SAFB2: variants seen among roughly 807,000 people sequenced by gnomAD.
SAFB2 encodes the protein scaffold attachment factor B2.
Under a neutral mutation model 100.6 loss-of-function variants are expected in SAFB2, and 32 were observed. That is an observed-to-expected ratio of 0.32 (90% CI 0.24 to 0.43). SAFB2 has a LOEUF of 0.43. Ranked by LOEUF, SAFB2 falls within the 20% of genes least tolerant of loss-of-function variation. The probability of loss-of-function intolerance (pLI) is 1.00; values close to 1 mark genes in which losing one functional copy is unlikely to be tolerated. For missense variants in SAFB2, 1,185 were observed against 1,163.4 expected, an observed-to-expected ratio of 1.02 and a Z score of -0.27; for synonymous variants, 500 against 439.4, an observed-to-expected ratio of 1.14 and a Z score of -1.72.
chr19:5,618,315 T>C (rs1243912133), intron 2 of SAFB2, among the ~76,000 whole-genome samples: 5 of 152,072 alleles, frequency 3.3e-5, no homozygotes, highest in African/African-American at 4.8e-5. Context: ...TGAGCCGAGA[T>C]TGCACCACTG....
At position 5,590,273 on chromosome 19, in the gene SAFB2, C is replaced by G; in HGVS notation, c.2525+5G>C. ...TCCCCACCCGGCTGGGGCTCACCCA[C>G]TAACCTGGGGGGAGGGGGCAGCCCC... On this transcript the variant is annotated splice_donor_5th_base_variant and intron_variant, in intron 18 of 20. Coordinates refer to ENST00000252542, the MANE Select transcript of SAFB2 (RefSeq NM_014649.3). 6.3e-7 allele frequency: 1 copy of G among 1,587,084 alleles called. No homozygotes were observed. Among genetic ancestry groups the G allele is most frequent in the African/African-American group, 1.3e-5 (1 of 74,606 alleles).
chr19:5,621,052 G>C (rs1372036157), intron 2 of SAFB2, among the ~76,000 whole-genome samples: 1 of 152,132 alleles, frequency 6.6e-6, no homozygotes, highest in Non-Finnish European at 1.5e-5. Flanking sequence ...TTCTCTAGTT[G>C]ACTTTTAATC....
chr19:5,612,576 A>C lies in SAFB2; in HGVS notation c.607-9T>G. On this transcript the variant is annotated splice_polypyrimidine_tract_variant and intron_variant, in intron 5 of 20. Coordinates refer to ENST00000252542, the MANE Select transcript of SAFB2 (RefSeq NM_014649.3). ...AGGGATTCTTCAATGTCCTATTTAA[A>C]AAAGAAAAAGCAAATCCACAAGTCA... 1 of 1,612,056 alleles carries C rather than the reference A, an allele frequency of 6.2e-7. No individual in the cohort carries two copies. The highest frequency in any genetic ancestry group is 8.5e-7 in the Non-Finnish European group (1 of 1,178,670).
chr19:5,588,125 G>T, intron 18 of SAFB2, 145 bp from the exon 19 acceptor site: 1 of 720,938 alleles, frequency 1.4e-6, no homozygotes, highest in Non-Finnish European at 2.2e-6. Context: ...TCAAGGGAAG[G>T]GACATTTCCC....
intron 11 of SAFB2, 92 bp from the exon 12 acceptor site, chr19:5,600,352 T>G: frequency 6.5e-7 from 1 of 1,529,250 alleles, no homozygotes; most frequent in Non-Finnish European, 8.8e-7. Flanking sequence ...TACTCAGACG[T>G]CCACACAAAA....
chr19:5,612,156 G>T, intron 6 of SAFB2: 1 of 335,998 alleles, frequency 3.0e-6, no homozygotes, highest in Non-Finnish European at 5.5e-6. Flanking sequence ...CTTCTCAGGT[G>T]GTAAGTGCCC....
chr19:5,591,719 C>T, intron 17 of SAFB2, 29 bp downstream of exon 17: 1 of 1,610,318 alleles, frequency 6.2e-7, no homozygotes, highest in Non-Finnish European at 8.5e-7. Flanking sequence ...TACAGTGGCC[C>T]CAGGGCTTGG....
At chr19:5,588,785 G>A (rs190552710) in intron 18 of SAFB2, 14 of 152,370 alleles carry the variant, frequency 9.2e-5, no homozygotes, top group East Asian at 3.9e-4. Context: ...AGAATCAGCC[G>A]TGGGGATGGC....
chr19:5,595,218 G>C, intron 14 of SAFB2, 143 bp downstream of exon 14: 4 of 1,116,454 alleles, frequency 3.6e-6, no homozygotes, highest in Non-Finnish European at 5.1e-6. Flanking sequence ...CCCCTGCCTC[G>C]AGGACCCAGG....
intron 11 of SAFB2, among the ~76,000 whole-genome samples, chr19:5,602,961 C>T (rs950048600): frequency 7.2e-6 from 1 of 138,378 alleles, no homozygotes; most frequent in East Asian, 2.5e-4. Context: ...ACACTCATTA[C>T]TCAGGGGCCT....
Position 5,587,649 on chromosome 19 carries a change from G to A in SAFB2, c.2705+52C>T, listed in dbSNP as rs1385689162. 36 of 1,498,096 alleles carry A rather than the reference G, an allele frequency of 2.4e-5. No individual in the cohort carries two copies. The highest frequency in any genetic ancestry group is 3.0e-5 in the Non-Finnish European group (34 of 1,117,822). 92.8% of individuals were successfully genotyped at this position (1,498,096 alleles called of 1,614,324 possible). On this transcript the variant is annotated intron_variant, in intron 20 of 20. Transcript: ENST00000252542. The surrounding 1 kb of genome is among the most constrained non-coding windows in gnomAD (Gnocchi z 4.9). The stretch of plus-strand genomic sequence containing the variant: ...TGATCAAACATGCAAAAAAGGGAGA[G>A]GAAGTGAGGAGCAGGAGTGAACCAC...
chr19:5,587,331 C>T lies in SAFB2; in HGVS notation c.2774G>A (p.Gly925Asp). ...GCCCCGGTCCTGGCTGGCCACTCCG[C>T]CACCTTCCAGTCCGCCACCTGGCAC... ...HVVPGGGLEG[G>D]GVASQDRGSR... is the part of the protein sequence containing the mutation. Residue 925 changes from glycine to aspartate, a missense_variant, in exon 21 of 21, where the codon GGC becomes GAC. By Grantham distance (94) the Gly-to-Asp change is moderately conservative. Transcript: ENST00000252542. This position sits in a 1 kb window ranked among gnomAD's most constrained non-coding sequence, Gnocchi z 4.9. 1 of 1,613,106 alleles carries T rather than the reference C, an allele frequency of 6.2e-7. No homozygotes were observed. The highest frequency in any genetic ancestry group is 8.5e-7 in the Non-Finnish European group (1 of 1,179,710).
intron 2 of SAFB2, among the ~76,000 whole-genome samples, chr19:5,618,482 G>T (rs1281863597): frequency 6.6e-6 from 1 of 152,206 alleles, no homozygotes; most frequent in Admixed American, 6.5e-5. Flanking sequence ...GTCTCGCAAC[G>T]TGAGCTTTTT....
At position 5,610,689 on chromosome 19, in the gene SAFB2, C is replaced by A; in HGVS notation, c.1146-1G>T. On this transcript the variant is annotated splice_acceptor_variant, in intron 7 of 20. Coordinates refer to ENST00000252542, the MANE Select transcript of SAFB2 (RefSeq NM_014649.3). LOFTEE classifies it high-confidence loss of function. ...TATATCTTTTTCTTCCTTAAAAGAG[C>A]TAGAGACAAAAGTTAATGTTACTCA... is the stretch of plus-strand genomic sequence containing the variant. The A allele has an allele frequency of 6.5e-7, 1 of 1,541,006 alleles. No homozygotes were observed. Among genetic ancestry groups the A allele is most frequent in the Non-Finnish European group, 8.9e-7 (1 of 1,123,158 alleles).
intron 17 of SAFB2, 33 bp downstream of exon 17, chr19:5,591,715 G>A (rs779517802): frequency 1.2e-6 from 2 of 1,604,924 alleles, no homozygotes; most frequent in Non-Finnish European, 1.7e-6. Flanking sequence ...GCAGTACAGT[G>A]GCCCCAGGGC....
Position 5,593,507 on chromosome 19 carries a change from C to T in SAFB2, c.2207+384G>A, listed in dbSNP as rs1001382887. 3 of 206,228 alleles carry T rather than the reference C, an allele frequency of 1.5e-5. No homozygotes were observed. The East Asian group carries it at 3.7e-4, about 26-fold the overall frequency. 12.8% of individuals were successfully genotyped at this position (206,228 alleles called of 1,614,324 possible). ...AGCGCCTGCTCTGCCTCTCTGTCTACAAGGACACATGAGACCGGCAGAGTC... is the reference window on the plus strand; with the variant it reads ...AGCGCCTGCTCTGCCTCTCTGTCTATAAGGACACATGAGACCGGCAGAGTC... On this transcript the variant is annotated intron_variant, in intron 15 of 20. Transcript: ENST00000252542.
At chr19:5,615,103 CCA>C (rs2052995730) in intron 4 of SAFB2, among the ~76,000 whole-genome samples, 2 of 152,138 alleles carry the variant, frequency 1.3e-5, no homozygotes, top group South Asian at 4.1e-4. Flanking sequence ...GCCTGTAATC[CCA>C]GCACTTTGGG....
intron 11 of SAFB2, among the ~76,000 whole-genome samples, chr19:5,603,223 G>C (rs531511769): frequency 6.2e-4 from 95 of 152,250 alleles, no homozygotes; most frequent in Non-Finnish European, 9.0e-4. Flanking sequence ...AGCCATGACT[G>C]CATCAATGCA....
chr19:5,590,289 G>C lies in SAFB2; in HGVS notation c.2514C>G (p.Pro838=), dbSNP rs911927537. ...DKRLSEGRGL[P]PPPRGGRDWG... is the part of the protein sequence containing the mutation. ...GCTCACCCACTAACCTGGGGGGAGG[G>C]GGCAGCCCCCGGCCTTCACTCAGCC... The change falls in exon 18 of 21, where the codon CCC becomes CCG. Residue 838 remains proline, a synonymous_variant. Transcript: ENST00000252542. 3.1e-6 allele frequency: 5 copies of C among 1,598,936 alleles called. No homozygotes were observed. Among genetic ancestry groups the C allele is most frequent in the Admixed American group, 3.5e-5 (2 of 57,612 alleles).
Sources: gnomAD v4.1 joint callset for allele counts (sites outside exome capture counted in the v4.1 genomes callset) on GRCh38, gnomAD v4.1.1 for gene constraint, Gnocchi (gnomAD v3.1) non-coding constraint, MANE v1.5 for transcripts, NCBI Gene and HGNC (gene_info 2026-07-23, HGNC 2026-07-21) for gene names.